Variants in CPHXL2 observed in about 807,000 individuals in gnomAD.
CPHXL2 encodes the protein cytoplasmic polyadenylated homeobox-like protein 2.
At chr16:75,660,848 A>C in the CPHXL2 span, 1 of 398,650 alleles carries the variant, frequency 2.5e-6, no homozygotes, top group Non-Finnish European at 4.4e-6. Context: ...TGTCACCTCC[A>C]TACTCCAAAG....
At chr16:75,671,672 A>C in the CPHXL2 span, among the ~76,000 whole-genome samples, 3 of 152,246 alleles carry the variant, frequency 2.0e-5, no homozygotes, top group African/African-American at 7.2e-5. Flanking sequence ...AAATAGAAAC[A>C]CAATAAATAT....
chr16:75,669,329 A>AT, the CPHXL2 span: 20 of 400,000 alleles, frequency 5.0e-5, no homozygotes, highest in Admixed American at 6.2e-4. Context: ...AAAAAAAAAA[A>AT]ATCTAAGAAA....
the CPHXL2 span, among the ~76,000 whole-genome samples, chr16:75,668,233 T>A: frequency 0.018 from 2,117 of 116,454 alleles, 21 homozygotes; most frequent in Non-Finnish European, 0.023. Flanking sequence ...ACATATATAT[T>A]TTTTTTTTTT....
chr16:75,661,636 T>A, the CPHXL2 span, among the ~76,000 whole-genome samples: 4 of 152,032 alleles, frequency 2.6e-5, no homozygotes, highest in African/African-American at 9.7e-5. Context: ...CGTGGATTGT[T>A]CCTACAACCC....
the CPHXL2 span, chr16:75,669,497 T>A: frequency 3.8e-5 from 15 of 399,690 alleles, no homozygotes; most frequent in Non-Finnish European, 5.7e-5. Context: ...CGGTGTTTTG[T>A]TTTTCTTTTT....
chr16:75,676,365 C>G, the CPHXL2 span, among the ~76,000 whole-genome samples: 4 of 152,088 alleles, frequency 2.6e-5, no homozygotes, highest in South Asian at 4.1e-4. Flanking sequence ...ACTCTGTCAC[C>G]CAGGCTGGAG....
the CPHXL2 span, among the ~76,000 whole-genome samples, chr16:75,663,194 A>G: frequency 6.6e-6 from 1 of 152,160 alleles, no homozygotes; most frequent in African/African-American, 2.4e-5. Context: ...GCCCTGTGCT[A>G]CTAAATTCAG....
At chr16:75,668,228 TA>T in the CPHXL2 span, among the ~76,000 whole-genome samples, 9,472 of 124,504 alleles carry the variant, frequency 0.076, 1,118 homozygotes, top group African/African-American at 0.3. Flanking sequence ...TATATACATA[TA>T]TATTTTTTTT....
At chr16:75,676,549 T>C in the CPHXL2 span, among the ~76,000 whole-genome samples, 13 of 152,198 alleles carry the variant, frequency 8.5e-5, no homozygotes, top group Non-Finnish European at 1.5e-4. Flanking sequence ...CTCAAACTTC[T>C]GGACTCAAGC....
At chr16:75,676,979 G>C in the CPHXL2 span, 26 of 398,442 alleles carry the variant, frequency 6.5e-5, no homozygotes, top group Middle Eastern at 1.3e-3. Context: ...TCTACCAAAG[G>C]CACTCACCTT....
the CPHXL2 span, among the ~76,000 whole-genome samples, chr16:75,667,788 C>G: frequency 3.3e-5 from 5 of 152,224 alleles, no homozygotes; most frequent in Admixed American, 2.0e-4. Flanking sequence ...ATTTATCTGA[C>G]ATGTGAAACA....
chr16:75,664,611 G>A, the CPHXL2 span, among the ~76,000 whole-genome samples: 3 of 89,440 alleles, frequency 3.4e-5, no homozygotes, highest in South Asian at 1.1e-3. Context: ...GGCAACAAGA[G>A]CAAAACTCCA....
chr16:75,668,242 T>TG, the CPHXL2 span, among the ~76,000 whole-genome samples: 2 of 150,838 alleles, frequency 1.3e-5, no homozygotes, highest in African/African-American at 4.9e-5. Flanking sequence ...TTTTTTTTTT[T>TG]TTTTGAGACA....
chr16:75,660,653 A>G, the CPHXL2 span: 1 of 398,652 alleles, frequency 2.5e-6, no homozygotes, highest in Non-Finnish European at 4.4e-6. Context: ...ATGAGCAAAG[A>G]CAATGGTCTT....
chr16:75,674,642 A>C, the CPHXL2 span, among the ~76,000 whole-genome samples: 1 of 152,144 alleles, frequency 6.6e-6, no homozygotes, highest in African/African-American at 2.4e-5. Context: ...AGCCAAAATA[A>C]TCTTGAAAAA....
chr16:75,667,439 C>G, the CPHXL2 span, among the ~76,000 whole-genome samples: 1 of 151,846 alleles, frequency 6.6e-6, no homozygotes, highest in Non-Finnish European at 1.5e-5. Context: ...CACTTTCTTC[C>G]AAGTTTCAAG....
the CPHXL2 span, among the ~76,000 whole-genome samples, chr16:75,674,692 C>CTA: frequency 2.0e-5 from 3 of 151,740 alleles, no homozygotes; most frequent in Admixed American, 6.6e-5. Flanking sequence ...TTAAAACTTA[C>CTA]TATATATATA....
the CPHXL2 span, among the ~76,000 whole-genome samples, chr16:75,667,431 C>G: frequency 0.16 from 23,712 of 151,670 alleles, 3,528 homozygotes; most frequent in African/African-American, 0.4. Flanking sequence ...TTAATGGGCA[C>G]TTTCTTCCAA....
chr16:75,670,283 C>G, the CPHXL2 span, among the ~76,000 whole-genome samples: 1 of 152,000 alleles, frequency 6.6e-6, no homozygotes. Flanking sequence ...TAATATACAA[C>G]AGGAAAAACT....
Sources: allele counts gnomAD v4.1 joint callset (sites outside exome capture counted in the v4.1 genomes callset), GRCh38; gene constraint gnomAD v4.1.1; transcripts MANE v1.5; gene names NCBI Gene and HGNC (gene_info 2026-07-23, HGNC 2026-07-21).